Variants in BICRAL observed in about 807,000 individuals in gnomAD.
BICRAL encodes BICRA like chromatin remodeling complex associated protein.
BICRAL carries 8 observed loss-of-function variants against 91.8 expected under a neutral mutation model. The ratio of observed to expected loss-of-function variants is 0.09; its 90% CI spans 0.05 to 0.16. The LOEUF (loss-of-function observed/expected upper bound fraction) is 0.16. Among genes scored for constraint, BICRAL ranks in the 10% least tolerant of loss-of-function variants. The pLI is 1.00. For missense variants in BICRAL, 1,038 were observed against 1,310.9 expected, an observed-to-expected ratio of 0.79 and a Z score of 3.21; for synonymous variants, 445 against 491.1, an observed-to-expected ratio of 0.91 and a Z score of 1.24.
At chr6:42,791,532 G>T (rs749349402) in intron 1 of BICRAL, among the ~76,000 whole-genome samples, 7 of 152,078 alleles carry the variant, frequency 4.6e-5, no homozygotes, top group Non-Finnish European at 1.0e-4. Flanking sequence ...GGCCTGAAAT[G>T]GAAACATTTT....
intron 1 of BICRAL, among the ~76,000 whole-genome samples, chr6:42,774,762 C>T (rs1488621850): frequency 6.6e-6 from 1 of 151,414 alleles, no homozygotes; most frequent in African/African-American, 2.4e-5. Context: ...AAAAAGTGCT[C>T]AAGTAAGAAT....
chr6:42,860,745 C>T (rs1765531671), intron 11 of BICRAL, among the ~76,000 whole-genome samples: 1 of 152,258 alleles, frequency 6.6e-6, no homozygotes. Context: ...GGACTGGAGG[C>T]ACATCTGAAC....
intron 1 of BICRAL, among the ~76,000 whole-genome samples, chr6:42,774,766 T>G (rs1762786834): frequency 6.6e-6 from 1 of 152,060 alleles, no homozygotes; most frequent in Non-Finnish European, 1.5e-5. Flanking sequence ...AGTGCTCAAG[T>G]AAGAATGTGG....
intron 6 of BICRAL, among the ~76,000 whole-genome samples, chr6:42,844,092 G>A (rs938264672): frequency 6.1e-5 from 9 of 147,404 alleles, no homozygotes; most frequent in Admixed American, 1.4e-4. Context: ...GTGAGCCACC[G>A]CGCCTGGCCA....
chr6:42,848,502 G>A (rs764857039), intron 6 of BICRAL, among the ~76,000 whole-genome samples: 1 of 152,182 alleles, frequency 6.6e-6, no homozygotes, highest in Non-Finnish European at 1.5e-5. Context: ...CTTTTATATT[G>A]TAAAATAGAA....
chr6:42,847,952 A>T (rs1765068077), intron 6 of BICRAL, among the ~76,000 whole-genome samples: 1 of 152,156 alleles, frequency 6.6e-6, no homozygotes. Flanking sequence ...ACACAGTGAA[A>T]CCTCATCTCT....
chr6:42,758,712 C>CAA lies in BICRAL; in HGVS notation c.-261+11704_-261+11705dup, dbSNP rs71758339. Reference sequence around the variant, plus strand: ...GTCCTTATGATGGAGTCGGGGGGTCCAAAAAAAAAAAAAAAAGAAAAAAGA... The same window carrying CAA: ...GTCCTTATGATGGAGTCGGGGGGTCCAAAAAAAAAAAAAAAAAAGAAAAAAGA... On this transcript the variant is annotated intron_variant, in intron 1 of 14. Coordinates refer to the BICRAL transcript ENST00000614467. Among the ~76,000 whole-genome samples the CAA allele has an allele frequency of 2.4e-3, 253 of 103,572 alleles. 1 individual carries two copies. The highest frequency in any genetic ancestry group is 4.9e-3 in the East Asian group (16 of 3,240). 67.9% of individuals were successfully genotyped at this position (103,572 alleles called of 152,430 possible). A position where few individuals can be genotyped will look rare whatever the true frequency, so the allele number is the denominator to read the frequency against.
intron 2 of BICRAL, among the ~76,000 whole-genome samples, chr6:42,810,688 A>C (rs563553587): frequency 5.5e-4 from 84 of 152,326 alleles, no homozygotes; most frequent in African/African-American, 1.9e-3. Flanking sequence ...TCTGTTCTAC[A>C]AAATGTGAAG....
chr6:42,756,410 T>C (rs1762460030), intron 1 of BICRAL, among the ~76,000 whole-genome samples: 1 of 152,150 alleles, frequency 6.6e-6, no homozygotes, highest in African/African-American at 2.4e-5. Context: ...TTCTATTTCT[T>C]TTCTTGTTCC....
At chr6:42,790,016 C>T (rs955545533) in intron 1 of BICRAL, among the ~76,000 whole-genome samples, 6 of 130,552 alleles carry the variant, frequency 4.6e-5, no homozygotes, top group Non-Finnish European at 9.5e-5. Flanking sequence ...CAATATCTTA[C>T]ACTAGTAGAG....
intron 6 of BICRAL, among the ~76,000 whole-genome samples, chr6:42,843,871 T>C (rs1008163397): frequency 6.5e-4 from 96 of 148,340 alleles, no homozygotes; most frequent in African/African-American, 2.3e-3. Context: ...CGATCTCGGC[T>C]CACTGCAACC....
At chr6:42,804,614 A>G (rs915566182) in intron 1 of BICRAL, among the ~76,000 whole-genome samples, 4 of 152,182 alleles carry the variant, frequency 2.6e-5, no homozygotes, top group African/African-American at 9.6e-5. Flanking sequence ...CAAATAATTG[A>G]AAAACTGATA....
rs1395169052 is a variant in BICRAL, at chr6:42,867,075, T to G, written c.*1629T>G. 7.3e-6 allele frequency: 2 copies of G among 275,682 alleles called. No homozygotes were observed. The highest frequency in any genetic ancestry group is 7.3e-6 in the Non-Finnish European group (1 of 136,306). 17.1% of individuals were successfully genotyped at this position (275,682 alleles called of 1,614,324 possible). Reference sequence around the variant, plus strand: ...GGAGGTGCAGCCACTGGTCTTCACTTTAATGTGTTGCCAGAATCTGCTTCT... The same window carrying G: ...GGAGGTGCAGCCACTGGTCTTCACTGTAATGTGTTGCCAGAATCTGCTTCT... On this transcript the variant is annotated 3_prime_UTR_variant, in exon 13 of 13. Transcript: ENST00000314073.
At chr6:42,810,921 A>G (rs1435536779) in intron 2 of BICRAL, among the ~76,000 whole-genome samples, 1 of 152,170 alleles carries the variant, frequency 6.6e-6, no homozygotes, top group Admixed American at 6.6e-5. Context: ...TGTATAAACA[A>G]TTTAAATATC....
chr6:42,756,820 G>A (rs1762466895), intron 1 of BICRAL, among the ~76,000 whole-genome samples: 1 of 151,670 alleles, frequency 6.6e-6, no homozygotes, highest in South Asian at 2.1e-4. Context: ...GTGGGCTGGG[G>A]CACCTGGCTT....
intron 6 of BICRAL, among the ~76,000 whole-genome samples, chr6:42,838,011 G>A (rs893646618): frequency 1.3e-5 from 2 of 152,126 alleles, no homozygotes; most frequent in African/African-American, 2.4e-5. Context: ...CTTTATTGGT[G>A]CTAAATGTCT....
At chr6:42,764,990 T>C (rs747966009) in intron 1 of BICRAL, among the ~76,000 whole-genome samples, 3 of 152,124 alleles carry the variant, frequency 2.0e-5, no homozygotes, top group Non-Finnish European at 4.4e-5. Flanking sequence ...TAGAAAAACG[T>C]TTTGTGAATA....
intron 1 of BICRAL, among the ~76,000 whole-genome samples, chr6:42,766,783 G>C (rs1744341029): frequency 6.6e-6 from 1 of 152,104 alleles, no homozygotes; most frequent in Admixed American, 6.5e-5. Context: ...GCTCACACCT[G>C]TAATCCCAGC....
chr6:42,835,863 C>T (rs1562486252), intron 6 of BICRAL, among the ~76,000 whole-genome samples: 1 of 152,180 alleles, frequency 6.6e-6, no homozygotes, highest in Non-Finnish European at 1.5e-5. Flanking sequence ...CCGGGAACGT[C>T]AAGGCTGCAC....
Sources: allele counts gnomAD v4.1 joint callset (sites outside exome capture counted in the v4.1 genomes callset), GRCh38; gene constraint gnomAD v4.1.1; transcripts MANE v1.5; gene names NCBI Gene and HGNC (gene_info 2026-07-23, HGNC 2026-07-21).